TRMT44: variants seen among roughly 807,000 people sequenced by gnomAD.
TRMT44 encodes the protein probable tRNA (uracil-O(2)-)-methyltransferase.
Under a neutral mutation model 77.3 loss-of-function variants are expected in TRMT44, and 78 were observed. The ratio of observed to expected loss-of-function variants is 1.01; its 90% CI spans 0.84 to 1.22. The LOEUF is 1.22. Among genes scored for constraint, TRMT44 ranks in the 50% most tolerant of loss-of-function variants. The probability of loss-of-function intolerance (pLI) is 0.00; values close to 1 mark genes in which losing one functional copy is unlikely to be tolerated. For missense variants in TRMT44, 1,090 were observed against 964.4 expected, an observed-to-expected ratio of 1.13 and a Z score of -1.73; for synonymous variants, 391 against 383.3, an observed-to-expected ratio of 1.02 and a Z score of -0.23.
Position 8,467,922 on chromosome 4 carries a change from C to T in TRMT44, c.1503C>T (p.Leu501=), listed in dbSNP as rs187070696. The change falls in exon 9 of 11, where the codon CTC becomes CTT. Residue 501 remains leucine (L), a synonymous_variant. Coordinates refer to ENST00000389737, the MANE Select transcript of TRMT44 (RefSeq NM_152544.3). ...GCTTTCTTCAAACGCAGGTCTGTCT[C>T]GTTGGAAAATCCAGAACATACCCTT... ...LRIPSTKRVC[L]VGKSRTYPSS... 24 of 1,601,458 alleles carry T rather than the reference C, an allele frequency of 1.5e-5. No individual in the cohort carries two copies. The highest frequency in any genetic ancestry group is 1.4e-4 in the Admixed American group (8 of 58,872).
In TRMT44 at chr4:8,454,568, A is replaced by G. The variant is rs941977490; in HGVS notation, c.1132-174A>G. The G allele has an allele frequency of 4.9e-6, 3 of 609,962 alleles. No individual in the cohort carries two copies. In the African/African-American group the frequency reaches 5.6e-5, roughly 11 times the overall value. The allele number at this position is 609,962 out of a possible 1,614,324, so 37.8% of individuals were successfully genotyped here. On this transcript the variant is annotated intron_variant, in intron 5 of 10. Coordinates refer to ENST00000389737, the MANE Select transcript of TRMT44 (RefSeq NM_152544.3). ...GTGGCTAAGCTGGCCATCGTATCAC[A>G]GGGTAATGGCACCTGGTGCGCTGGA...
Position 8,451,956 on chromosome 4 carries a change from T to C in TRMT44, c.955-4T>C. On this transcript the variant is annotated splice_polypyrimidine_tract_variant and splice_region_variant and intron_variant, in intron 3 of 10. Coordinates refer to ENST00000389737, the MANE Select transcript of TRMT44 (RefSeq NM_152544.3). The surrounding 1 kb of genome is among the most constrained non-coding windows in gnomAD (Gnocchi z 4.1). Reference sequence around the variant, plus strand: ...ATTTATGTTTGCTCTTGAAACTGTTTTAGGTGTGGCCTGAAGTCACTGATC... The same window carrying C: ...ATTTATGTTTGCTCTTGAAACTGTTCTAGGTGTGGCCTGAAGTCACTGATC... 6.5e-7 allele frequency: 1 copy of C among 1,536,630 alleles called. No individual in the cohort carries two copies. The highest frequency in any genetic ancestry group is 8.7e-7 in the Non-Finnish European group (1 of 1,146,966).
At chr4:8,500,224 G>T in the TRMT44 span, among the ~76,000 whole-genome samples, 2 of 152,200 alleles carry the variant, frequency 1.3e-5, no homozygotes, top group African/African-American at 2.4e-5. Context: ...GGGTGCGGTG[G>T]CTCATGCCTA....
intron 2 of TRMT44, among the ~76,000 whole-genome samples, chr4:8,491,650 C>T (rs888798660): frequency 2.0e-5 from 3 of 152,358 alleles, no homozygotes; most frequent in African/African-American, 2.4e-5. Flanking sequence ...GCCGCTGGCC[C>T]GGGTGCCAAG....
intron 3 of TRMT44, among the ~76,000 whole-genome samples, chr4:8,450,362 A>G (rs1396044470): frequency 6.6e-6 from 1 of 152,158 alleles, no homozygotes; most frequent in Non-Finnish European, 1.5e-5. Context: ...ATATAATGGA[A>G]AAGGATTGAT....
chr4:8,454,525 T>G (rs561708288), intron 5 of TRMT44: 8 of 593,636 alleles, frequency 1.3e-5, no homozygotes, highest in African/African-American at 1.3e-4. Context: ...AGGTTCCAGC[T>G]GTTGCTGCTA....
chr4:8,498,512 A>C (rs1728214886), downstream of TRMT44, among the ~76,000 whole-genome samples: 1 of 152,208 alleles, frequency 6.6e-6, no homozygotes, highest in South Asian at 2.1e-4. This position sits in a 1 kb window ranked among gnomAD's most constrained non-coding sequence, Gnocchi z 4.3. Flanking sequence ...GAAAGCAGGC[A>C]TGTCTCCATA....
In TRMT44 at chr4:8,476,002, G is replaced by A; in HGVS notation, c.*1G>A. 1.9e-6 allele frequency: 3 copies of A among 1,613,216 alleles called. No homozygotes were observed. Among genetic ancestry groups the A allele is most frequent in the Non-Finnish European group, 2.5e-6 (3 of 1,179,572 alleles). On this transcript the variant is annotated 3_prime_UTR_variant, in exon 11 of 11. Transcript: ENST00000389737. ...CACCCCGAGGAAGAAGATTTCATGA[G>A]CTGCATCCTTGCCAGCCGAGGCCTG...
At chr4:8,447,168 G>C (rs1318803235) in intron 2 of TRMT44, among the ~76,000 whole-genome samples, 1 of 152,150 alleles carries the variant, frequency 6.6e-6, no homozygotes, top group Non-Finnish European at 1.5e-5. Context: ...GAGCCACCAA[G>C]CCCAGCCTAT....
Position 8,465,541 on chromosome 4 carries a change from A to G in TRMT44, c.1474A>G (p.Arg492Gly). 2 of 1,613,122 alleles carry G rather than the reference A, an allele frequency of 1.2e-6. No homozygotes were observed. The highest frequency in any genetic ancestry group is 1.7e-6 in the Non-Finnish European group (2 of 1,179,658). ...GTTTCACGTGGACGAAGACTGCCTC[A>G]GGATTCCTTCAACCAAAAGAGTATG... ...CGFHVDEDCL[R>G]IPSTKRVCLV... The change falls in exon 8 of 11, where the codon AGG (arginine) becomes GGG (glycine). Residue 492 changes from arginine to glycine, a missense_variant. Physicochemically the swap from Arg to Gly is moderately radical, Grantham distance 125. Transcript: ENST00000389737.
chr4:8,462,698 C>T (rs949578701), intron 6 of TRMT44, among the ~76,000 whole-genome samples: 7 of 152,104 alleles, frequency 4.6e-5, no homozygotes, highest in East Asian at 3.8e-4. Flanking sequence ...AGCAAGACTC[C>T]GTCTCAAAAA....
Position 8,444,318 on chromosome 4 carries a change from T to C in TRMT44, c.620-2158T>C, listed in dbSNP as rs1724930553. ...TGGGGGAGAGGTGGGATGGTTAAAGTGTACAAAAAAAATAGAATATGAATA... is the reference window on the plus strand; with the variant it reads ...TGGGGGAGAGGTGGGATGGTTAAAGCGTACAAAAAAAATAGAATATGAATA... On this transcript the variant is annotated intron_variant, in intron 1 of 10. Transcript: ENST00000389737. This position sits in a 1 kb window ranked among gnomAD's most constrained non-coding sequence, Gnocchi z 4.0. 6.6e-6 allele frequency among the ~76,000 whole-genome samples: 1 copy of C among 151,346 alleles called. No homozygotes were observed. The highest frequency in any genetic ancestry group is 1.5e-5 in the Non-Finnish European group (1 of 67,892).
chr4:8,466,690 C>A (rs545105411), intron 8 of TRMT44, among the ~76,000 whole-genome samples: 126 of 152,334 alleles, frequency 8.3e-4, no homozygotes, highest in Non-Finnish European at 1.3e-3. Context: ...CCGAGGAGCC[C>A]GTGGCTTTGA....
At chr4:8,474,030 G>T (rs1234681991) in intron 10 of TRMT44, among the ~76,000 whole-genome samples, 6 of 152,238 alleles carry the variant, frequency 3.9e-5, no homozygotes, top group African/African-American at 1.4e-4. Context: ...CTTAACTCCG[G>T]AGCCGCGTGG....
At chr4:8,475,599 C>T (rs1039780388) in intron 10 of TRMT44, among the ~76,000 whole-genome samples, 173 bp from the exon 11 acceptor site, 4 of 152,224 alleles carry the variant, frequency 2.6e-5, no homozygotes, top group Admixed American at 1.3e-4. Flanking sequence ...ATACCTCAGT[C>T]ACTCCCACTG....
intron 8 of TRMT44, 91 bp from the exon 9 acceptor site, chr4:8,467,823 G>T: frequency 7.3e-7 from 1 of 1,367,066 alleles, no homozygotes. Context: ...TTGAAAACTT[G>T]TGATTTGTAC....
intron 6 of TRMT44, among the ~76,000 whole-genome samples, chr4:8,460,566 CTT>C (rs56738130): frequency 1.8e-4 from 26 of 147,562 alleles, no homozygotes; most frequent in Middle Eastern, 3.5e-3. Context: ...TGGCCTCACT[CTT>C]TTTTTTTTTT....
chr4:8,462,177 G>A (rs1032399247), intron 6 of TRMT44, among the ~76,000 whole-genome samples: 39 of 147,716 alleles, frequency 2.6e-4, no homozygotes, highest in African/African-American at 7.3e-4. Context: ...TTGGGAGGCC[G>A]AGGTGGGCAC....
chr4:8,468,741 C>A (rs926345368), intron 9 of TRMT44, among the ~76,000 whole-genome samples: 16 of 152,226 alleles, frequency 1.1e-4, no homozygotes, highest in African/African-American at 2.4e-5. Flanking sequence ...TAATTTAATT[C>A]TCTTTGAAAT....
Sources: allele counts gnomAD v4.1 joint callset (sites outside exome capture counted in the v4.1 genomes callset), GRCh38; gene constraint gnomAD v4.1.1; non-coding constraint Gnocchi (gnomAD v3.1); transcripts MANE v1.5; gene names NCBI Gene and HGNC (gene_info 2026-07-23, HGNC 2026-07-21).